LYG1: variants seen among roughly 807,000 people sequenced by gnomAD.
The protein encoded by LYG1 is lysozyme g-like protein 1.
A neutral mutation model predicts 21.7 loss-of-function variants in LYG1; 17 were observed. That is an observed-to-expected ratio of 0.78 (90% CI 0.54 to 1.18). The LOEUF is 1.18. LYG1 is among the 50% of genes most tolerant of loss of function. The pLI is 0.00. For missense variants in LYG1, 211 were observed against 238.1 expected, an observed-to-expected ratio of 0.89 and a Z score of 0.75; for synonymous variants, 81 against 87.4, an observed-to-expected ratio of 0.93 and a Z score of 0.41.
At chr2:99,292,947 G>A (rs1472896975) in intron 3 of LYG1, among the ~76,000 whole-genome samples, 1 of 151,466 alleles carries the variant, frequency 6.6e-6, no homozygotes, top group Non-Finnish European at 1.5e-5. Flanking sequence ...GGAACACAAA[G>A]GAGAGGATTT....
chr2:99,290,855 T>G (rs558409454), intron 5 of LYG1, among the ~76,000 whole-genome samples: 1 of 152,226 alleles, frequency 6.6e-6, no homozygotes, highest in Admixed American at 6.5e-5. Flanking sequence ...TTCATAATAA[T>G]GCTGTAAGAA....
At chr2:99,302,672 T>A (rs2094158006), upstream of LYG1, among the ~76,000 whole-genome samples, 1 of 152,162 alleles carries the variant, frequency 6.6e-6, no homozygotes, top group African/African-American at 2.4e-5. Flanking sequence ...TATTTATGAC[T>A]TTTTGGAAGT....
intron 2 of LYG1, among the ~76,000 whole-genome samples, chr2:99,296,380 G>A (rs1444928914): frequency 6.6e-6 from 1 of 152,138 alleles, no homozygotes; most frequent in Non-Finnish European, 1.5e-5. Context: ...ATGGGCAGGG[G>A]TCCCAGGATT....
intron 5 of LYG1, among the ~76,000 whole-genome samples, chr2:99,289,192 G>A (rs1199234206): frequency 6.6e-6 from 1 of 152,098 alleles, no homozygotes; most frequent in Non-Finnish European, 1.5e-5. Context: ...GGGTAAAGTG[G>A]CTCACACCTG....
At chr2:99,299,936 A>G (rs2094149419) in intron 1 of LYG1, among the ~76,000 whole-genome samples, 1 of 151,824 alleles carries the variant, frequency 6.6e-6, no homozygotes, top group Non-Finnish European at 1.5e-5. Context: ...ACACACACAC[A>G]CGTACACACA....
At chr2:99,296,401 G>A (rs983703721) in intron 2 of LYG1, among the ~76,000 whole-genome samples, 11 of 152,244 alleles carry the variant, frequency 7.2e-5, no homozygotes, top group African/African-American at 2.6e-4. Context: ...GAACTCATGA[G>A]GTGCTCACAA....
intron 2 of LYG1, among the ~76,000 whole-genome samples, chr2:99,296,170 C>A (rs1187754285): frequency 3.3e-5 from 5 of 152,150 alleles, no homozygotes; most frequent in Non-Finnish European, 7.3e-5. Context: ...ACCACGCTTT[C>A]CTCAGTGCCC....
chr2:99,296,297 C>A (rs561676637), intron 2 of LYG1, among the ~76,000 whole-genome samples: 1 of 152,204 alleles, frequency 6.6e-6, no homozygotes, highest in South Asian at 2.1e-4. Context: ...AACCCCAATG[C>A]GGCAACAAAC....
At chr2:99,293,799 A>C (rs548364927) in intron 3 of LYG1, among the ~76,000 whole-genome samples, 7 of 152,314 alleles carry the variant, frequency 4.6e-5, no homozygotes, top group African/African-American at 1.4e-4. Flanking sequence ...TTCACACCAG[A>C]ATGGGGACAC....
At chr2:99,291,965 C>T (rs931071229) in intron 4 of LYG1, among the ~76,000 whole-genome samples, 3 of 152,178 alleles carry the variant, frequency 2.0e-5, no homozygotes, top group African/African-American at 4.8e-5. Flanking sequence ...CTTAGCTAGC[C>T]TTACCTTCTA....
chr2:99,294,886 G>C (rs531402500), intron 3 of LYG1, among the ~76,000 whole-genome samples: 2 of 152,134 alleles, frequency 1.3e-5, no homozygotes, highest in Admixed American at 6.5e-5. Context: ...GCCAGATCAC[G>C]AGGTCAAGAG....
intron 1 of LYG1, among the ~76,000 whole-genome samples, chr2:99,300,052 A>G (rs180869596): frequency 1.3e-5 from 2 of 151,618 alleles, no homozygotes; most frequent in Non-Finnish European, 2.9e-5. Context: ...CAAATATAAA[A>G]TAATATAAAA....
chr2:99,298,027 A>G lies in LYG1; in HGVS notation c.-33+432T>C, dbSNP rs2094141953. On this transcript the variant is annotated intron_variant, in intron 2 of 6. Transcript: ENST00000308528. The stretch of plus-strand genomic sequence containing the variant: ...ACCACACCTAGCTTGGAATTCTTAA[A>G]TGGATGAACAATGTCATTTTGTCCA... Among the ~76,000 whole-genome samples, 3 of 152,204 alleles carry G rather than the reference A, an allele frequency of 2.0e-5. No homozygotes were observed. In the South Asian group the frequency reaches 6.2e-4, roughly 32 times the overall value.
chr2:99,285,549 C>T (rs922597943), intron 5 of LYG1, among the ~76,000 whole-genome samples: 10 of 152,296 alleles, frequency 6.6e-5, no homozygotes, highest in African/African-American at 1.7e-4. Flanking sequence ...TGCTGAGACA[C>T]GCGATGTATG....
At position 99,301,131 on chromosome 2, in the gene LYG1, T is replaced by G. The variant is rs1229787566; in HGVS notation, c.-205A>C. ...AGTCCTGTTCTCTTGTTAAAAGTGT[T>G]CATCTCATCCTATTTTGGAGAGATT... On this transcript the variant is annotated 5_prime_UTR_variant, in exon 1 of 7. The change abolishes the stop of an existing upstream ORF in the 5' untranslated region. Coordinates refer to ENST00000308528, the MANE Select transcript of LYG1 (RefSeq NM_174898.3). 4.0e-5 allele frequency: 6 copies of G among 150,838 alleles called. No homozygotes were observed. Among genetic ancestry groups the G allele is most frequent in the Non-Finnish European group, 7.4e-5 (5 of 67,860 alleles). The allele number at this position is 150,838 out of a possible 1,614,324, so 9.3% of individuals were successfully genotyped here.
In LYG1 at chr2:99,291,329, T is replaced by C. The variant is rs767225019; in HGVS notation, c.241A>G (p.Met81Val). ...ACACCAGCGATCACGGCAGGATCCATGCAGTACTTTTGGCCAATGGTTTGC... is the reference window on the plus strand; with the variant it reads ...ACACCAGCGATCACGGCAGGATCCACGCAGTACTTTTGGCCAATGGTTTGC... Reference protein sequence around the residue: ...MMQTIGQKYCMDPAVIAGVLS... With the variant: ...MMQTIGQKYCVDPAVIAGVLS... The change falls in exon 5 of 7, where the codon ATG (methionine) becomes GTG (valine). Residue 81 changes from methionine to valine, a missense_variant. Coordinates refer to ENST00000308528, the MANE Select transcript of LYG1 (RefSeq NM_174898.3). 1.4e-5 allele frequency: 23 copies of C among 1,613,420 alleles called. No homozygotes were observed. Among genetic ancestry groups the C allele is most frequent in the Admixed American group, 3.3e-5 (2 of 59,982 alleles).
chr2:99,301,750 G>A (rs1174241822), upstream of LYG1, among the ~76,000 whole-genome samples: 1 of 151,052 alleles, frequency 6.6e-6, no homozygotes, highest in Non-Finnish European at 1.5e-5. Context: ...CACAGGTGGT[G>A]GCCCTAGGGC....
chr2:99,284,320 C>A lies in LYG1; in HGVS notation c.*73G>T. On this transcript the variant is annotated 3_prime_UTR_variant, in exon 7 of 7. Coordinates refer to ENST00000308528, the MANE Select transcript of LYG1 (RefSeq NM_174898.3). ...AAACTCAGATTCCCAGTTACAGGTG[C>A]CCTTGGCTAGTTTTATCTGTGTAAC... is the stretch of plus-strand genomic sequence containing the variant. The A allele has an allele frequency of 1.1e-5, 15 of 1,305,582 alleles. No individual in the cohort carries two copies. The highest frequency in any genetic ancestry group is 1.6e-5 in the Non-Finnish European group (15 of 917,924). The allele number at this position is 1,305,582 out of a possible 1,614,324, so 80.9% of individuals were successfully genotyped here.
chr2:99,301,360 G>A (rs2094153316), upstream of LYG1, among the ~76,000 whole-genome samples: 1 of 150,050 alleles, frequency 6.7e-6, no homozygotes, highest in South Asian at 2.1e-4. Context: ...ATCATTTTCT[G>A]GGAATGTGGG....
Sources: gnomAD v4.1 joint callset for allele counts (sites outside exome capture counted in the v4.1 genomes callset) on GRCh38, gnomAD v4.1.1 for gene constraint, MANE v1.5 for transcripts, NCBI Gene and HGNC (gene_info 2026-07-23, HGNC 2026-07-21) for gene names.